ZFHX3: variants seen among roughly 807,000 people sequenced by gnomAD.
ZFHX3 encodes zinc finger homeobox 3, also known as zinc finger homeobox protein 3.
Under a neutral mutation model 279.1 loss-of-function variants are expected in ZFHX3, and 42 were observed. The observed-to-expected ratio is 0.15, with a 90% CI of 0.12 to 0.19. The LOEUF (loss-of-function observed/expected upper bound fraction) is 0.19. Among genes scored for constraint, ZFHX3 ranks in the 10% least tolerant of loss-of-function variants. The probability of loss-of-function intolerance (pLI) is 1.00; values close to 1 mark genes in which losing one functional copy is unlikely to be tolerated. For missense variants in ZFHX3, 4,981 were observed against 4,754.0 expected (o/e 1.05, Z -1.40); for synonymous variants, 2,293 against 1,957.8 (o/e 1.17, Z -4.52).
intron 4 of ZFHX3, among the ~76,000 whole-genome samples, chr16:73,309,658 T>G (rs994400880): frequency 2.0e-5 from 3 of 152,158 alleles, no homozygotes; most frequent in African/African-American, 7.2e-5. Flanking sequence ...GGAACATGTT[T>G]TGACAAACTG....
chr16:73,188,791 T>C (rs1372984003), intron 5 of ZFHX3, among the ~76,000 whole-genome samples: 2 of 152,032 alleles, frequency 1.3e-5, no homozygotes, highest in African/African-American at 2.4e-5. Flanking sequence ...TCAGAACAAA[T>C]CCTGAAACAC....
chr16:73,261,049 A>ACTT (rs2013810403), intron 4 of ZFHX3, among the ~76,000 whole-genome samples: 1 of 152,064 alleles, frequency 6.6e-6, no homozygotes, highest in Admixed American at 6.6e-5. Flanking sequence ...ATGCCCACAC[A>ACTT]CTTGTTAAAG....
At chr16:73,720,983 T>G (rs1418651528) in intron 1 of ZFHX3, among the ~76,000 whole-genome samples, 3 of 152,240 alleles carry the variant, frequency 2.0e-5, no homozygotes, top group African/African-American at 7.2e-5. Context: ...GGGCCACGTG[T>G]GGCTGACAGA....
In ZFHX3 at chr16:72,876,146, C is replaced by A. The variant is rs189079066; in HGVS notation, c.3448+13585G>T. Among the ~76,000 whole-genome samples, 658 of 152,280 alleles carry A rather than the reference C, an allele frequency of 4.3e-3. 3 individuals are homozygous for A. The highest frequency in any genetic ancestry group is 7.8e-3 in the Non-Finnish European group (534 of 68,026). On this transcript the variant is annotated intron_variant, in intron 4 of 9. Transcript: ENST00000268489. ...ATAAAACACACGTGCATGCATGCAA[C>A]TTCAGAGGTTTTGGCCTAAAGCAAG...
At chr16:73,776,835 G>A (rs567625802) in intron 1 of ZFHX3, among the ~76,000 whole-genome samples, 10 of 152,148 alleles carry the variant, frequency 6.6e-5, no homozygotes, top group Admixed American at 1.3e-4. Flanking sequence ...TGAACCGTTC[G>A]CACTTCTTAA....
chr16:72,963,656 G>A (rs1961693538), intron 1 of ZFHX3, among the ~76,000 whole-genome samples: 1 of 152,102 alleles, frequency 6.6e-6, no homozygotes, highest in Non-Finnish European at 1.5e-5. Context: ...ACTCTACCCT[G>A]TTACCCTGTA....
At chr16:72,801,866 T>G (rs1040115958) in intron 7 of ZFHX3, among the ~76,000 whole-genome samples, 1 of 151,282 alleles carries the variant, frequency 6.6e-6, no homozygotes, top group African/African-American at 2.4e-5. Context: ...GATTAATTTG[T>G]AGTCCTCAGC....
intron 5 of ZFHX3, among the ~76,000 whole-genome samples, chr16:73,251,904 C>T (rs549932648): frequency 1.0e-4 from 12 of 119,892 alleles, no homozygotes; most frequent in African/African-American, 4.9e-4. Context: ...ACCATGCACA[C>T]ACACACACCA....
chr16:72,972,401 G>A (rs1962146446), intron 1 of ZFHX3, among the ~76,000 whole-genome samples: 1 of 152,158 alleles, frequency 6.6e-6, no homozygotes. Flanking sequence ...CATCCAAAGA[G>A]TGGACTCTGT....
intron 5 of ZFHX3, among the ~76,000 whole-genome samples, chr16:73,241,430 T>C (rs2013117612): frequency 6.6e-6 from 1 of 151,952 alleles, no homozygotes; most frequent in Non-Finnish European, 1.5e-5. Flanking sequence ...GGAAAGGGGG[T>C]CACTCAGGCA....
chr16:73,369,249 T>A, intron 3 of ZFHX3, among the ~76,000 whole-genome samples: 1 of 152,136 alleles, frequency 6.6e-6, no homozygotes, highest in East Asian at 1.9e-4. Flanking sequence ...GTTGAAACAA[T>A]ACAGTGCACA....
At chr16:72,846,180 C>T (rs2037475109) in intron 4 of ZFHX3, among the ~76,000 whole-genome samples, 1 of 152,224 alleles carries the variant, frequency 6.6e-6, no homozygotes, top group Non-Finnish European at 1.5e-5. Context: ...TATTCTAAGT[C>T]AGAGGCTGCT....
At chr16:72,936,596 G>C (rs1960138365) in intron 3 of ZFHX3, among the ~76,000 whole-genome samples, 1 of 152,186 alleles carries the variant, frequency 6.6e-6, no homozygotes, top group African/African-American at 2.4e-5. Context: ...CAAAGGCCCT[G>C]TGGCAGGCGC....
chr16:73,325,062 T>C (rs1321229588), intron 3 of ZFHX3, among the ~76,000 whole-genome samples: 1 of 152,212 alleles, frequency 6.6e-6, no homozygotes, highest in African/African-American at 2.4e-5. Context: ...AGAGCTCATC[T>C]GACTCTTTCA....
chr16:73,626,370 C>A (rs1020181504), intron 2 of ZFHX3, among the ~76,000 whole-genome samples: 1 of 151,986 alleles, frequency 6.6e-6, no homozygotes, highest in Non-Finnish European at 1.5e-5. Flanking sequence ...GTGCCCCCTC[C>A]CCCCGCCAAA....
At chr16:73,178,693 G>A (rs1967720868) in intron 5 of ZFHX3, among the ~76,000 whole-genome samples, 1 of 152,026 alleles carries the variant, frequency 6.6e-6, no homozygotes, top group African/African-American at 2.4e-5. Flanking sequence ...TCACTATGTT[G>A]CCCAGGCTGG....
chr16:73,064,999 A>G (rs1965728407), intron 8 of ZFHX3, among the ~76,000 whole-genome samples: 1 of 152,250 alleles, frequency 6.6e-6, no homozygotes, highest in Admixed American at 6.5e-5. Flanking sequence ...CAAAGTGAAC[A>G]ACTTGAGGGC....
rs551421504 is a variant in ZFHX3 at position 73,193,545 on chromosome 16, G to A, written c.-1103-49714C>T. On this transcript the variant is annotated intron_variant, in intron 5 of 17. Transcript: ENST00000641206. ...TTCCAGTATCCTGGGGGTAAGGACT[G>A]GAGTGAAGCAAGTTAAGGTATATAT... Among the ~76,000 whole-genome samples, 36 of 152,268 alleles carry A rather than the reference G, an allele frequency of 2.4e-4. No homozygotes were observed. In the East Asian group the frequency reaches 2.5e-3, roughly 11 times the overall value.
intron 8 of ZFHX3, among the ~76,000 whole-genome samples, chr16:73,066,906 T>G (rs1028953393): frequency 6.6e-6 from 1 of 151,972 alleles, no homozygotes; most frequent in Non-Finnish European, 1.5e-5. Context: ...GTGAGAGCAC[T>G]GAGATGGGGA....
Sources: allele counts gnomAD v4.1 joint callset (sites outside exome capture counted in the v4.1 genomes callset), GRCh38; gene constraint gnomAD v4.1.1; transcripts MANE v1.5; gene names NCBI Gene and HGNC (gene_info 2026-07-23, HGNC 2026-07-21).